Variants in NALF1 observed in about 807,000 individuals in gnomAD.
NALF1 encodes NALCN channel auxiliary factor 1.
NALF1 carries 3 observed loss-of-function variants against 48.4 expected under a neutral mutation model. The ratio of observed to expected loss-of-function variants is 0.06; its 90% CI spans 0.03 to 0.16. The LOEUF is 0.16. NALF1 is among the 10% of genes least tolerant of loss of function. The pLI is 1.00. For synonymous variants in NALF1, 262 were observed against 245.7 expected (o/e 1.07, Z -0.62); for missense variants, 526 against 571.5 (o/e 0.92, Z 0.81).
chr13:107,342,610 A>T (rs1594128714), intron 1 of NALF1, among the ~76,000 whole-genome samples: 1 of 152,318 alleles, frequency 6.6e-6, no homozygotes, highest in Middle Eastern at 3.4e-3. Flanking sequence ...TCAATAACAT[A>T]AAATAAGGGT....
intron 1 of NALF1, among the ~76,000 whole-genome samples, chr13:107,226,359 C>A (rs777674313): frequency 6.6e-6 from 1 of 152,068 alleles, no homozygotes; most frequent in African/African-American, 2.4e-5. Flanking sequence ...CATTTTTCAG[C>A]GTAAGCACAA....
At chr13:107,761,110 T>C (rs921836959) in intron 1 of NALF1, among the ~76,000 whole-genome samples, 3 of 152,078 alleles carry the variant, frequency 2.0e-5, no homozygotes, top group Non-Finnish European at 4.4e-5. Flanking sequence ...GTAATCCCAG[T>C]ACTTTGGGAG....
chr13:107,625,019 A>G (rs902814411), intron 1 of NALF1, among the ~76,000 whole-genome samples: 1 of 152,172 alleles, frequency 6.6e-6, no homozygotes, highest in Non-Finnish European at 1.5e-5. Context: ...GCACACATTC[A>G]TCTAACTCTA....
chr13:107,709,999 C>T (rs1875516377), intron 1 of NALF1, among the ~76,000 whole-genome samples: 1 of 152,050 alleles, frequency 6.6e-6, no homozygotes, highest in Non-Finnish European at 1.5e-5. Context: ...CAACTCTGGT[C>T]CCAGCTACTG....
intron 1 of NALF1, among the ~76,000 whole-genome samples, chr13:107,843,807 CA>C (rs984532246): frequency 2.6e-5 from 4 of 151,884 alleles, no homozygotes; most frequent in African/African-American, 7.3e-5. Flanking sequence ...GGAATCAGAC[CA>C]AAAAATAAAT....
At chr13:107,473,710 T>G (rs1463927916) in intron 1 of NALF1, among the ~76,000 whole-genome samples, 1 of 152,202 alleles carries the variant, frequency 6.6e-6, no homozygotes, top group Non-Finnish European at 1.5e-5. Context: ...TCATTTTCAC[T>G]CCATTCAGCA....
At chr13:107,513,054 G>A (rs1399817407) in intron 1 of NALF1, among the ~76,000 whole-genome samples, 1 of 152,114 alleles carries the variant, frequency 6.6e-6, no homozygotes, top group Admixed American at 6.5e-5. Context: ...AAGCCAATAT[G>A]TCTTCCAAAA....
chr13:107,202,857 G>A (rs1464041099), intron 2 of NALF1, among the ~76,000 whole-genome samples: 4 of 152,152 alleles, frequency 2.6e-5, no homozygotes, highest in African/African-American at 4.8e-5. Flanking sequence ...CTGGCTGGTC[G>A]TTTCCTGTTC....
intron 1 of NALF1, among the ~76,000 whole-genome samples, chr13:107,605,651 G>A (rs1009155749): frequency 5.3e-5 from 8 of 152,052 alleles, no homozygotes; most frequent in Non-Finnish European, 8.8e-5. Flanking sequence ...TTCCATCTAT[G>A]TACATATGAC....
At chr13:107,371,723 C>A (rs1447204855) in intron 1 of NALF1, among the ~76,000 whole-genome samples, 2 of 152,006 alleles carry the variant, frequency 1.3e-5, no homozygotes, top group African/African-American at 4.8e-5. Flanking sequence ...GTTGTACAGA[C>A]CTTGAGAAGT....
intron 1 of NALF1, among the ~76,000 whole-genome samples, chr13:107,242,891 C>T (rs780650119): frequency 6.6e-6 from 1 of 152,128 alleles, no homozygotes; most frequent in Admixed American, 6.5e-5. Flanking sequence ...AATATTCTTC[C>T]CTGTCAACCA....
intron 1 of NALF1, among the ~76,000 whole-genome samples, chr13:107,556,146 T>A (rs1877466535): frequency 6.6e-6 from 1 of 152,058 alleles, no homozygotes; most frequent in Admixed American, 6.5e-5. Flanking sequence ...TGACCAATTT[T>A]ATACATATAA....
At chr13:107,182,617 C>A (rs912631755) in intron 2 of NALF1, among the ~76,000 whole-genome samples, 3 of 152,072 alleles carry the variant, frequency 2.0e-5, no homozygotes, top group African/African-American at 7.2e-5. Context: ...TTGTGAAATT[C>A]ATGCTGTTAT....
At chr13:107,838,738 TA>T (rs1361764176) in intron 1 of NALF1, among the ~76,000 whole-genome samples, 6 of 152,050 alleles carry the variant, frequency 3.9e-5, no homozygotes, top group South Asian at 2.1e-4. Flanking sequence ...TCACTTGGTT[TA>T]AAAAAAATAC....
intron 1 of NALF1, among the ~76,000 whole-genome samples, chr13:107,343,246 T>C (rs1042811755): frequency 6.6e-6 from 1 of 152,138 alleles, no homozygotes; most frequent in Non-Finnish European, 1.5e-5. Context: ...TCCAACAGTG[T>C]TAAAATTAAA....
intron 1 of NALF1, among the ~76,000 whole-genome samples, chr13:107,277,528 G>A (rs981276390): frequency 5.9e-5 from 9 of 152,136 alleles, no homozygotes; most frequent in African/African-American, 1.7e-4. Context: ...GCTATTATCA[G>A]TATCTAAATT....
intron 1 of NALF1, among the ~76,000 whole-genome samples, chr13:107,819,554 T>C (rs1055885760): frequency 2.0e-5 from 3 of 152,202 alleles, no homozygotes; most frequent in African/African-American, 7.2e-5. Context: ...GTTCCTTTAC[T>C]ACTTACAAAT....
chr13:107,216,361 T>C (rs548635534), intron 1 of NALF1, among the ~76,000 whole-genome samples: 20 of 152,238 alleles, frequency 1.3e-4, no homozygotes, highest in Non-Finnish European at 2.8e-4. Context: ...TGTGTCAGTG[T>C]CTGGTGAAAG....
Position 107,403,188 on chromosome 13 carries a change from C to CTTTTTTTTTTTT in NALF1, c.916-192445_916-192434dup, listed in dbSNP as rs10710356. 1.3e-3 allele frequency among the ~76,000 whole-genome samples: 54 copies of CTTTTTTTTTTTT among 42,476 alleles called. 2 individuals are homozygous for CTTTTTTTTTTTT. Among genetic ancestry groups the CTTTTTTTTTTTT allele is most frequent in the African/African-American group, 2.7e-3 (31 of 11,664 alleles). 27.9% of individuals were successfully genotyped at this position (42,476 alleles called of 152,430 possible). ...TTCTGCTTGGTTTCTCTTGTTCGGG[C>CTTTTTTTTTTTT]TTTTTTTTTTTTTTTTTTTTTTTTT... is the stretch of plus-strand genomic sequence containing the variant. On this transcript the variant is annotated intron_variant, in intron 1 of 2. Transcript: ENST00000375915.
Sources: gnomAD v4.1 joint callset for allele counts (sites outside exome capture counted in the v4.1 genomes callset) on GRCh38, gnomAD v4.1.1 for gene constraint, MANE v1.5 for transcripts, NCBI Gene and HGNC (gene_info 2026-07-23, HGNC 2026-07-21) for gene names.